The following PRKDC variants were observed in gnomAD, a reference collection of about 807,000 sequenced individuals.
PRKDC encodes the protein protein kinase, DNA-activated, catalytic subunit.
Under a neutral mutation model 486.9 loss-of-function variants are expected in PRKDC, and 82 were observed. The observed-to-expected ratio is 0.17, with a 90% CI of 0.14 to 0.20. The LOEUF is 0.20. Ranked by LOEUF, PRKDC falls within the 10% of genes least tolerant of loss-of-function variation. The pLI, the probability that PRKDC is intolerant of heterozygous loss-of-function variation, is 1.00. For synonymous variants in PRKDC, 1,895 were observed against 1,837.0 expected (o/e 1.03, Z -0.81); for missense variants, 4,504 against 5,038.2 (o/e 0.89, Z 3.21).
At chr8:47,835,762 CT>C (rs1394423000) in intron 58 of PRKDC, among the ~76,000 whole-genome samples, 8 of 146,644 alleles carry the variant, frequency 5.5e-5, no homozygotes, top group African/African-American at 2.0e-4. Context: ...TCCAGAGTTG[CT>C]TTTTGGTTTT....
At chr8:47,943,501 G>T in intron 9 of PRKDC, 135 bp from the exon 10 acceptor site, 1 of 926,686 alleles carries the variant, frequency 1.1e-6, no homozygotes, top group Non-Finnish European at 1.6e-6. Context: ...CAGTAACCCA[G>T]GGATTCCTGT....
chr8:47,807,575 C>T (rs527454379), intron 68 of PRKDC, among the ~76,000 whole-genome samples: 12 of 151,992 alleles, frequency 7.9e-5, no homozygotes, highest in African/African-American at 2.9e-4. Flanking sequence ...CCTGCCACTA[C>T]ACCCGGCTAA....
intron 59 of PRKDC, among the ~76,000 whole-genome samples, chr8:47,833,494 GTTA>G (rs1167962955): frequency 7.6e-4 from 116 of 152,186 alleles, no homozygotes; most frequent in Non-Finnish European, 1.3e-3. Context: ...CTGGTCATCT[GTTA>G]GCCAAGACCA....
chr8:47,949,929 G>A (rs1379301882), intron 7 of PRKDC, among the ~76,000 whole-genome samples: 1 of 152,180 alleles, frequency 6.6e-6, no homozygotes, highest in Non-Finnish European at 1.5e-5. Flanking sequence ...TCAACCTAAT[G>A]GAAGAAAAAC....
intron 52 of PRKDC, among the ~76,000 whole-genome samples, chr8:47,851,832 G>A (rs1239267278): frequency 6.6e-6 from 1 of 152,168 alleles, no homozygotes; most frequent in Non-Finnish European, 1.5e-5. Context: ...GTGACCAGCT[G>A]GGCCACCCAG....
chr8:47,932,204 C>A (rs1302677771), intron 16 of PRKDC, among the ~76,000 whole-genome samples: 1 of 152,234 alleles, frequency 6.6e-6, no homozygotes, highest in Non-Finnish European at 1.5e-5. Flanking sequence ...CTGCCTCAGC[C>A]TCCCGAGCAG....
At position 47,901,540 on chromosome 8, in the gene PRKDC, T is replaced by C. The variant is rs931510577; in HGVS notation, c.3269+1029A>G. The stretch of plus-strand genomic sequence containing the variant: ...AACAACCTAAAACACTTCTCAAAGA[T>C]ACTTCCTCAAGAGCAGACTAGAGGA... On this transcript the variant is annotated intron_variant, in intron 27 of 85. Transcript: ENST00000314191. Among the ~76,000 whole-genome samples the C allele has an allele frequency of 4.6e-5, 7 of 152,128 alleles. 1 individual carries two copies. The highest frequency in any genetic ancestry group is 8.8e-5 in the Non-Finnish European group (6 of 68,018).
chr8:47,866,553 G>A (rs984938621), intron 40 of PRKDC, among the ~76,000 whole-genome samples: 1 of 152,156 alleles, frequency 6.6e-6, no homozygotes, highest in African/African-American at 2.4e-5. Context: ...TGGGCCCACA[G>A]ATGATTTACT....
rs1418292435 is a variant in PRKDC at position 47,933,016 on chromosome 8, T to A, written c.1776+4A>T. The A allele has an allele frequency of 6.3e-7, 1 of 1,575,342 alleles. No homozygotes were observed. The highest frequency in any genetic ancestry group is 1.2e-5 in the South Asian group (1 of 81,864). ...AAAAATTACTACTGATAAAAATTTC[T>A]AACCTCTTGTTCCCCAACAGTCTGT... On this transcript the variant is annotated splice_donor_region_variant and intron_variant, in intron 16 of 85. Transcript: ENST00000314191.
intron 70 of PRKDC, among the ~76,000 whole-genome samples, chr8:47,802,161 C>T (rs1260336134): frequency 2.0e-5 from 3 of 152,162 alleles, no homozygotes; most frequent in Admixed American, 6.5e-5. Context: ...ACTGCAGCCT[C>T]GAACTCCTGA....
intron 25 of PRKDC, among the ~76,000 whole-genome samples, chr8:47,910,833 CA>C (rs1383632732): frequency 1.5e-5 from 2 of 135,874 alleles, no homozygotes; most frequent in African/African-American, 3.6e-5. Context: ...TATTCCTAGA[CA>C]TTTTTTTTTT....
intron 3 of PRKDC, 109 bp downstream of exon 3, chr8:47,957,062 T>A: frequency 3.1e-6 from 2 of 654,722 alleles, no homozygotes; most frequent in Non-Finnish European, 2.4e-6. Context: ...AATTCCCCAA[T>A]GAGAAAGGAA....
intron 4 of PRKDC, among the ~76,000 whole-genome samples, chr8:47,955,456 C>T (rs1181241167): frequency 7.0e-5 from 8 of 114,386 alleles, no homozygotes; most frequent in South Asian, 3.0e-4. Flanking sequence ...AGCGAGACTC[C>T]GTCTCAAAAA....
At chr8:47,830,846 G>A (rs2154499406) in intron 60 of PRKDC, 110 bp from the exon 61 acceptor site, 1 of 1,344,484 alleles carries the variant, frequency 7.4e-7, no homozygotes, top group East Asian at 2.3e-5. Context: ...GCGAAGTGGT[G>A]GGAACTGATG....
chr8:47,905,082 T>C, intron 25 of PRKDC, 106 bp from the exon 26 acceptor site: 1 of 771,304 alleles, frequency 1.3e-6, no homozygotes, highest in East Asian at 2.6e-5. Context: ...TAAGTAATAC[T>C]ACTACCATGG....
intron 10 of PRKDC, among the ~76,000 whole-genome samples, 184 bp downstream of exon 10, chr8:47,943,025 T>A (rs1324945614): frequency 1.3e-5 from 2 of 152,190 alleles, no homozygotes; most frequent in African/African-American, 4.8e-5. Flanking sequence ...AAATCTGGCA[T>A]CTCCCTAGCT....
chr8:47,853,900 A>G (rs1439170612), intron 51 of PRKDC, among the ~76,000 whole-genome samples, 183 bp downstream of exon 51: 1 of 152,114 alleles, frequency 6.6e-6, no homozygotes, highest in Non-Finnish European at 1.5e-5. Context: ...TCCTGGACTC[A>G]AGCAATCCTC....
chr8:47,939,793 G>T, intron 10 of PRKDC, 96 bp from the exon 11 acceptor site: 1 of 1,084,744 alleles, frequency 9.2e-7, no homozygotes, highest in South Asian at 1.8e-5. Context: ...TGCTACTAAT[G>T]TACTGTTATA....
chr8:47,928,332 T>C (rs1044746474), intron 19 of PRKDC, among the ~76,000 whole-genome samples: 4 of 151,928 alleles, frequency 2.6e-5, no homozygotes, highest in Admixed American at 6.6e-5. Flanking sequence ...TTTGTATTTT[T>C]AGTACAGATG....
Sources: allele counts gnomAD v4.1 joint callset (sites outside exome capture counted in the v4.1 genomes callset), GRCh38; gene constraint gnomAD v4.1.1; transcripts MANE v1.5; gene names NCBI Gene and HGNC (gene_info 2026-07-23, HGNC 2026-07-21).